EIF3H: variants seen among roughly 807,000 people sequenced by gnomAD.
EIF3H encodes the protein eukaryotic translation initiation factor 3 subunit H.
Under a neutral mutation model 44.2 loss-of-function variants are expected in EIF3H, and 26 were observed. That is an observed-to-expected ratio of 0.59 (90% CI 0.43 to 0.82). The LOEUF is 0.82. Among genes scored for constraint, EIF3H ranks in the 40% least tolerant of loss-of-function variants. The pLI is 0.00. For synonymous variants in EIF3H, 166 were observed against 151.9 expected, an observed-to-expected ratio of 1.09 and a Z score of -0.68; for missense variants, 359 against 432.8, an observed-to-expected ratio of 0.83 and a Z score of 1.51.
At chr8:116,706,544 A>T (rs1020580532) in intron 2 of EIF3H, among the ~76,000 whole-genome samples, 2 of 151,794 alleles carry the variant, frequency 1.3e-5, no homozygotes, top group Non-Finnish European at 2.9e-5. Flanking sequence ...TATTTATTTT[A>T]TTTATTTAGA....
intron 1 of EIF3H, among the ~76,000 whole-genome samples, chr8:116,730,419 TCATCCAGAAAC>T (rs2130934953): frequency 6.6e-6 from 1 of 152,302 alleles, no homozygotes; most frequent in Admixed American, 6.5e-5. Flanking sequence ...TGGAACAGTG[TCATCCAGAAAC>T]CATCCTCTCA....
At chr8:116,705,530 CA>C (rs1650647764) in intron 2 of EIF3H, among the ~76,000 whole-genome samples, 1 of 142,586 alleles carries the variant, frequency 7.0e-6, no homozygotes, top group African/African-American at 2.6e-5. Context: ...AATGCAATGA[CA>C]GGGGCACTTC....
At chr8:116,723,794 G>A (rs1044101228) in intron 2 of EIF3H, among the ~76,000 whole-genome samples, 1 of 152,110 alleles carries the variant, frequency 6.6e-6, no homozygotes. Flanking sequence ...CAAAACACTC[G>A]TAAACTGAAA....
At chr8:116,733,080 C>G (rs1004390975) in intron 1 of EIF3H, among the ~76,000 whole-genome samples, 2 of 152,182 alleles carry the variant, frequency 1.3e-5, no homozygotes, top group Non-Finnish European at 2.9e-5. Context: ...ACAAAACCCT[C>G]CTCAGATTCA....
At chr8:116,666,290 T>C (rs1813664407) in intron 2 of EIF3H, among the ~76,000 whole-genome samples, 1 of 152,206 alleles carries the variant, frequency 6.6e-6, no homozygotes, top group Non-Finnish European at 1.5e-5. Flanking sequence ...GGGCAGGCAT[T>C]GTCGCCCTAT....
At chr8:116,710,895 G>A (rs988952292) in intron 2 of EIF3H, among the ~76,000 whole-genome samples, 3 of 152,154 alleles carry the variant, frequency 2.0e-5, no homozygotes, top group African/African-American at 2.4e-5. Flanking sequence ...AGAGACTCAA[G>A]ACTCCAATTA....
chr8:116,730,515 C>T (rs1814934212), intron 1 of EIF3H, among the ~76,000 whole-genome samples: 1 of 151,826 alleles, frequency 6.6e-6, no homozygotes, highest in Admixed American at 6.6e-5. Context: ...GTTGCAGACA[C>T]TGATTTAAAT....
intron 2 of EIF3H, among the ~76,000 whole-genome samples, chr8:116,676,769 T>G (rs1210888178): frequency 6.6e-6 from 1 of 152,202 alleles, no homozygotes; most frequent in Non-Finnish European, 1.5e-5. Flanking sequence ...ACGTACTTAG[T>G]TCCCCAAAAT....
intron 2 of EIF3H, among the ~76,000 whole-genome samples, chr8:116,678,861 T>G (rs1243236108): frequency 8.6e-6 from 1 of 116,908 alleles, no homozygotes; most frequent in African/African-American, 3.5e-5. Flanking sequence ...GGGAGGGAGG[T>G]GGGGGGGGGT....
At chr8:116,706,714 TA>T (rs535378342) in intron 2 of EIF3H, among the ~76,000 whole-genome samples, 1 of 151,998 alleles carries the variant, frequency 6.6e-6, no homozygotes, top group African/African-American at 2.4e-5. Flanking sequence ...TTTGTATTTT[TA>T]AAAGATGGAG....
chr8:116,665,900 A>C (rs935867904), intron 2 of EIF3H, among the ~76,000 whole-genome samples: 2 of 152,260 alleles, frequency 1.3e-5, no homozygotes, highest in Non-Finnish European at 2.9e-5. Context: ...AAAGAATTAA[A>C]TAAGAGTCTA....
At chr8:116,668,309 GAAAGAC>G (rs1428953242) in intron 2 of EIF3H, among the ~76,000 whole-genome samples, 4 of 152,222 alleles carry the variant, frequency 2.6e-5, no homozygotes, top group Non-Finnish European at 5.9e-5. Context: ...CTCCTAAGGA[GAAAGAC>G]TGGAAAGAAA....
intron 1 of EIF3H, among the ~76,000 whole-genome samples, chr8:116,735,182 C>T (rs966232709): frequency 1.3e-5 from 2 of 152,186 alleles, no homozygotes; most frequent in South Asian, 2.1e-4. Context: ...CCCCAAAATA[C>T]ATCAGACATA....
At chr8:116,696,531 T>C (rs951398848) in intron 2 of EIF3H, among the ~76,000 whole-genome samples, 3 of 152,206 alleles carry the variant, frequency 2.0e-5, no homozygotes, top group Non-Finnish European at 2.9e-5. Flanking sequence ...ATAATACAAC[T>C]AATAATTAGG....
intron 1 of EIF3H, among the ~76,000 whole-genome samples, chr8:116,752,667 A>AG (rs1385448321): frequency 1.1e-3 from 19 of 16,856 alleles, no homozygotes; most frequent in African/African-American, 3.3e-3. Flanking sequence ...ACAGAAATGA[A>AG]GAAAGAAAGA....
chr8:116,725,238 T>C (rs977654793), intron 2 of EIF3H, among the ~76,000 whole-genome samples: 1 of 152,190 alleles, frequency 6.6e-6, no homozygotes, highest in African/African-American at 2.4e-5. Flanking sequence ...GTCAGACTCT[T>C]GGAAACACAA....
At chr8:116,758,139 A>G (rs1490066056), upstream of EIF3H, among the ~76,000 whole-genome samples, 2 of 152,252 alleles carry the variant, frequency 1.3e-5, no homozygotes, top group African/African-American at 4.8e-5. Flanking sequence ...ACATAGTAAT[A>G]TAAGTACAAA....
At chr8:116,715,273 T>G (rs2130907033) in intron 2 of EIF3H, among the ~76,000 whole-genome samples, 1 of 152,054 alleles carries the variant, frequency 6.6e-6, no homozygotes, top group Non-Finnish European at 1.5e-5. Flanking sequence ...TATCTCTTAC[T>G]CCAACACCAA....
In EIF3H at chr8:116,643,261, T is replaced by C. The variant is rs558095042; in HGVS notation, c.*1745A>G. 3 of 152,346 alleles carry C rather than the reference T, an allele frequency of 2.0e-5. No individual in the cohort carries two copies. The highest frequency in any genetic ancestry group is 6.5e-5 in the Admixed American group (1 of 15,306). The allele number at this position is 152,346 out of a possible 1,614,324, so 9.4% of individuals were successfully genotyped here. ...TGACTCCAATTTAAGGTTATCACTA[T>C]GGGTAGGAGGGCAAAACAGCAGAAA... On this transcript the variant is annotated 3_prime_UTR_variant, in exon 8 of 8. Coordinates refer to ENST00000521861, the MANE Select transcript of EIF3H (RefSeq NM_003756.3).
Sources: allele counts gnomAD v4.1 joint callset (sites outside exome capture counted in the v4.1 genomes callset), GRCh38; gene constraint gnomAD v4.1.1; transcripts MANE v1.5; gene names NCBI Gene and HGNC (gene_info 2026-07-23, HGNC 2026-07-21).